Variants in PKIB observed in about 807,000 individuals in gnomAD.
PKIB encodes the protein PKI-beta.
A neutral mutation model predicts 4.5 loss-of-function variants in PKIB; 2 were observed. The ratio of observed to expected loss-of-function variants is 0.44; its 90% CI spans 0.18 to 1.39. The LOEUF is 1.39. Ranked by LOEUF, PKIB falls within the 40% of genes most tolerant of loss-of-function variation. The pLI, the probability that PKIB is intolerant of heterozygous loss-of-function variation, is 0.27. For missense variants in PKIB, 94 were observed against 92.6 expected (o/e 1.02, Z -0.06); for synonymous variants, 38 against 36.0 (o/e 1.06, Z -0.20).
intron 2 of PKIB, among the ~76,000 whole-genome samples, chr6:122,571,837 A>C (rs1380428580): frequency 6.6e-6 from 1 of 152,218 alleles, no homozygotes; most frequent in Non-Finnish European, 1.5e-5. Flanking sequence ...AAGAAAAACA[A>C]AGTATCTAGG....
At chr6:122,499,882 A>C (rs1045989361) in intron 2 of PKIB, among the ~76,000 whole-genome samples, 1 of 152,236 alleles carries the variant, frequency 6.6e-6, no homozygotes, top group African/African-American at 2.4e-5. Context: ...TACAAAATTT[A>C]TGTACAAAAA....
intron 2 of PKIB, among the ~76,000 whole-genome samples, chr6:122,555,612 G>A (rs1045542458): frequency 5.9e-5 from 9 of 152,198 alleles, no homozygotes; most frequent in Non-Finnish European, 1.0e-4. Flanking sequence ...TTTTCTCTTT[G>A]ATGTGGAGGG....
chr6:122,559,452 G>A (rs1340222652), intron 2 of PKIB, among the ~76,000 whole-genome samples: 1 of 151,978 alleles, frequency 6.6e-6, no homozygotes, highest in Non-Finnish European at 1.5e-5. Context: ...TGGCCTTATA[G>A]TATAGTTTGA....
chr6:122,685,263 G>A (rs1778051583), intron 3 of PKIB, among the ~76,000 whole-genome samples: 1 of 152,130 alleles, frequency 6.6e-6, no homozygotes, highest in Admixed American at 6.5e-5. Flanking sequence ...TTACTACAGT[G>A]TATATAAGCA....
chr6:122,538,903 T>C (rs1777496166), intron 2 of PKIB, among the ~76,000 whole-genome samples: 1 of 152,086 alleles, frequency 6.6e-6, no homozygotes, highest in African/African-American at 2.4e-5. Context: ...TCACATCCCT[T>C]GTAAGTTGGA....
At chr6:122,625,590 A>G (rs1240430226) in intron 1 of PKIB, among the ~76,000 whole-genome samples, 1 of 152,096 alleles carries the variant, frequency 6.6e-6, no homozygotes, top group Non-Finnish European at 1.5e-5. Context: ...GTGAGCTGAG[A>G]TTGCCCCACT....
At chr6:122,541,988 T>G (rs949624110) in intron 2 of PKIB, among the ~76,000 whole-genome samples, 4 of 152,136 alleles carry the variant, frequency 2.6e-5, no homozygotes, top group African/African-American at 9.7e-5. Flanking sequence ...CTCCTGAGGC[T>G]TCTGCATTCT....
chr6:122,680,244 G>A (rs34341066), intron 3 of PKIB, among the ~76,000 whole-genome samples: 7,976 of 152,224 alleles, frequency 0.052, 243 homozygotes, highest in East Asian at 0.13. Context: ...TTTACGCTTA[G>A]GTTCAAAAAA....
At chr6:122,624,145 A>G (rs932933090) in intron 1 of PKIB, among the ~76,000 whole-genome samples, 4 of 152,248 alleles carry the variant, frequency 2.6e-5, no homozygotes, top group Non-Finnish European at 5.9e-5. Context: ...GTTCTCAAAC[A>G]TGACAATATA....
At chr6:122,515,898 A>T (rs1004635740) in intron 2 of PKIB, among the ~76,000 whole-genome samples, 1 of 151,966 alleles carries the variant, frequency 6.6e-6, no homozygotes, top group African/African-American at 2.4e-5. Context: ...GTATTTTGGT[A>T]GAGACAGGGT....
At chr6:122,693,130 G>A (rs984737770) in intron 3 of PKIB, among the ~76,000 whole-genome samples, 1 of 152,156 alleles carries the variant, frequency 6.6e-6, no homozygotes, top group East Asian at 1.9e-4. Context: ...TGAAAATGTA[G>A]AACATTCTAT....
At chr6:122,709,272 C>T (rs1779181714) in intron 3 of PKIB, among the ~76,000 whole-genome samples, 1 of 152,096 alleles carries the variant, frequency 6.6e-6, no homozygotes, top group East Asian at 1.9e-4. Context: ...ACCAAACTTC[C>T]CATTGCTCCA....
At chr6:122,595,446 C>A (rs944751134) in intron 3 of PKIB, among the ~76,000 whole-genome samples, 15 of 152,154 alleles carry the variant, frequency 9.9e-5, no homozygotes, top group South Asian at 8.3e-4. Flanking sequence ...AGAGGCAATG[C>A]TGTGTGGAAT....
At chr6:122,637,239 A>C (rs372092630) in intron 2 of PKIB, among the ~76,000 whole-genome samples, 19 of 152,334 alleles carry the variant, frequency 1.2e-4, no homozygotes, top group East Asian at 9.6e-4. Flanking sequence ...CTCAAATAGC[A>C]TGAACCTAAT....
At chr6:122,537,316 C>G (rs917195234) in intron 2 of PKIB, among the ~76,000 whole-genome samples, 20 of 152,172 alleles carry the variant, frequency 1.3e-4, no homozygotes, top group African/African-American at 4.3e-4. Flanking sequence ...ATCCCTCCCC[C>G]TCCCTGCACC....
At position 122,667,203 on chromosome 6, in the gene PKIB, A is replaced by T. The variant is rs187317472; in HGVS notation, c.-75-7875A>T. On this transcript the variant is annotated intron_variant, in intron 2 of 4. Coordinates refer to ENST00000368452, the MANE Select transcript of PKIB (RefSeq NM_181795.3). ...ACTTTTTTCAATTTATTTTATAATT[A>T]ACATCAAAATTAACTGTGATGCCTA... 2.0e-5 allele frequency among the ~76,000 whole-genome samples: 3 copies of T among 152,350 alleles called. No individual in the cohort carries two copies. The East Asian group carries it at 5.8e-4, about 29-fold the overall frequency.
chr6:122,504,403 G>A (rs114252998), intron 2 of PKIB, among the ~76,000 whole-genome samples: 1 of 152,154 alleles, frequency 6.6e-6, no homozygotes, highest in Non-Finnish European at 1.5e-5. Flanking sequence ...TGCATTTAAT[G>A]AGGCATGTTT....
At chr6:122,514,421 G>A (rs1462164580) in intron 2 of PKIB, among the ~76,000 whole-genome samples, 2 of 152,070 alleles carry the variant, frequency 1.3e-5, no homozygotes, top group East Asian at 3.9e-4. Context: ...CCACAAAGAA[G>A]TCATACTGAT....
chr6:122,663,956 G>A (rs1777115436), intron 2 of PKIB, among the ~76,000 whole-genome samples: 1 of 152,158 alleles, frequency 6.6e-6, no homozygotes, highest in African/African-American at 2.4e-5. Context: ...CTGAAAATTA[G>A]TATTTTAGCA....
Sources: gnomAD v4.1 joint callset for allele counts (sites outside exome capture counted in the v4.1 genomes callset) on GRCh38, gnomAD v4.1.1 for gene constraint, MANE v1.5 for transcripts, NCBI Gene and HGNC (gene_info 2026-07-23, HGNC 2026-07-21) for gene names.